The following C12orf43 variants were observed in gnomAD, a reference collection of about 807,000 sequenced individuals.
C12orf43 encodes protein CUSTOS.
C12orf43 carries 15 observed loss-of-function variants against 20.6 expected under a neutral mutation model. The observed-to-expected ratio is 0.73, with a 90% CI of 0.49 to 1.12. The LOEUF is 1.12. C12orf43 is among the 50% of genes most tolerant of loss of function. The probability of loss-of-function intolerance (pLI) is 0.00; values close to 1 mark genes in which losing one functional copy is unlikely to be tolerated. For missense variants in C12orf43, 334 were observed against 344.4 expected (o/e 0.97, Z 0.24); for synonymous variants, 144 against 130.8 (o/e 1.10, Z -0.69).
chr12:121,006,157 A>C, intron 4 of C12orf43, 164 bp downstream of exon 4: 1 of 611,140 alleles, frequency 1.6e-6, no homozygotes, highest in Non-Finnish European at 2.8e-6. Flanking sequence ...TTGAGGCTGC[A>C]TTGAGCTATA....
chr12:121,016,307 T>C (rs376912187), intron 1 of C12orf43, 23 bp downstream of exon 1: 114 of 1,612,874 alleles, frequency 7.1e-5, no homozygotes, highest in Non-Finnish European at 9.2e-5. Context: ...CCTCAGCCAG[T>C]CTCCCCAAAC....
Position 121,011,150 on chromosome 12 carries a change from T to C in C12orf43, c.146-4A>G. 1 of 1,613,472 alleles carries C rather than the reference T, an allele frequency of 6.2e-7. No homozygotes were observed. The highest frequency in any genetic ancestry group is 8.5e-7 in the Non-Finnish European group (1 of 1,179,692). ...GACAACTGGCTATTTGCAGCACCTG[T>C]GGAAAAATGAAAATTAGGGCATTTA... On this transcript the variant is annotated splice_region_variant and splice_polypyrimidine_tract_variant and intron_variant, in intron 1 of 5. Transcript: ENST00000288757.
Position 121,008,381 on chromosome 12 carries a change from C to T in C12orf43, c.288-1987G>A, listed in dbSNP as rs557291456. Among the ~76,000 whole-genome samples the T allele has an allele frequency of 1.7e-4, 26 of 152,252 alleles. No individual in the cohort carries two copies. The South Asian group carries it at 3.9e-3, about 23-fold the overall frequency. On this transcript the variant is annotated intron_variant, in intron 3 of 5. Coordinates refer to ENST00000288757, the MANE Select transcript of C12orf43 (RefSeq NM_022895.3). Reference sequence around the variant, plus strand: ...AACTCCTGTCCTCAAATGATCCACCCGCTTCAGCCTCCCAAAGTGCTGGGA... The same window carrying T: ...AACTCCTGTCCTCAAATGATCCACCTGCTTCAGCCTCCCAAAGTGCTGGGA...
At position 121,001,153 on chromosome 12, in the gene C12orf43, G is replaced by T. The variant is rs1877449055; in HGVS notation, c.*3000C>A. ...TGCCATCCAACCACAGCGTCATCGAGACCTTCATCTCCACCCAGATGGCCT... is the reference window on the plus strand; with the variant it reads ...TGCCATCCAACCACAGCGTCATCGATACCTTCATCTCCACCCAGATGGCCT... On this transcript the variant is annotated 3_prime_UTR_variant, in exon 6 of 6. Transcript: ENST00000288757. 1 of 1,614,096 alleles carries T rather than the reference G, an allele frequency of 6.2e-7. No individual in the cohort carries two copies. Among genetic ancestry groups the T allele is most frequent in the East Asian group, 2.2e-5 (1 of 44,882 alleles).
At position 121,004,617 on chromosome 12, in the gene C12orf43, G is replaced by T; in HGVS notation, c.453-128C>A. The T allele has an allele frequency of 9.8e-7, 1 of 1,024,688 alleles. No homozygotes were observed. Among genetic ancestry groups the T allele is most frequent in the Non-Finnish European group, 1.4e-6 (1 of 710,564 alleles). The allele number at this position is 1,024,688 out of a possible 1,614,324, so 63.5% of individuals were successfully genotyped here. A position where few individuals can be genotyped will look rare whatever the true frequency, so the allele number is the denominator to read the frequency against. On this transcript the variant is annotated intron_variant, in intron 5 of 5. Transcript: ENST00000288757. This position sits in a 1 kb window ranked among gnomAD's most constrained non-coding sequence, Gnocchi z 5.6. ...CAGAGAGAGGCAGGTAGTGAGTTCA[G>T]GCTTGGGAGTGAGGCCAACCTGGCT... is the stretch of plus-strand genomic sequence containing the variant.
At chr12:121,009,845 C>T (rs1485381493) in intron 3 of C12orf43, among the ~76,000 whole-genome samples, 1 of 152,244 alleles carries the variant, frequency 6.6e-6, no homozygotes, top group Admixed American at 6.5e-5. Flanking sequence ...ACTGGGTTAT[C>T]AACCTGTGCT....
At position 121,002,421 on chromosome 12, in the gene C12orf43, G is replaced by A. The variant is rs1877562295; in HGVS notation, c.*1732C>T. On this transcript the variant is annotated 3_prime_UTR_variant, in exon 6 of 6. Transcript: ENST00000288757. ...CCTGGGATTCAGGAAAAGGCCTGGG[G>A]TGACCCGGCACCCCCTGCAGCTTGT... 1 of 531,640 alleles carries A rather than the reference G, an allele frequency of 1.9e-6. No homozygotes were observed. Among genetic ancestry groups the A allele is most frequent in the South Asian group, 1.5e-5 (1 of 65,098 alleles). 32.9% of individuals were successfully genotyped at this position (531,640 alleles called of 1,614,324 possible).
At position 121,004,991 on chromosome 12, in the gene C12orf43, G is replaced by A. The variant is rs765743100; in HGVS notation, c.452+12C>T. ...AAAAGGAGGGGACGTGAGGAGAGGT[G>A]TGAGTTCTCACCTGGAGCTGGAGGG... On this transcript the variant is annotated intron_variant, in intron 5 of 5. Transcript: ENST00000288757. The surrounding 1 kb of genome is among the most constrained non-coding windows in gnomAD (Gnocchi z 5.6). The A allele has an allele frequency of 1.7e-5, 26 of 1,525,528 alleles. No homozygotes were observed. In the Admixed American group the frequency reaches 5.5e-4, roughly 32 times the overall value. The allele number at this position is 1,525,528 out of a possible 1,614,324, so 94.5% of individuals were successfully genotyped here.
intron 1 of C12orf43, 124 bp downstream of exon 1, chr12:121,016,206 T>C: frequency 7.0e-7 from 1 of 1,432,246 alleles, no homozygotes; most frequent in Non-Finnish European, 9.7e-7. Context: ...CTACACCCAG[T>C]CCCTGGAGGT....
Position 121,004,027 on chromosome 12 carries a change from A to C in C12orf43, c.*126T>G. ...TCATCACCATCAGGGTCTCATGGGCAGTCTGGGTTTGCCAGCCCAGTCCTT... is the reference window on the plus strand; with the variant it reads ...TCATCACCATCAGGGTCTCATGGGCCGTCTGGGTTTGCCAGCCCAGTCCTT... On this transcript the variant is annotated 3_prime_UTR_variant, in exon 6 of 6. Transcript: ENST00000288757. The surrounding 1 kb of genome is among the most constrained non-coding windows in gnomAD (Gnocchi z 5.6). 9.4e-7 allele frequency: 1 copy of C among 1,064,038 alleles called. No individual in the cohort carries two copies. Among genetic ancestry groups the C allele is most frequent in the South Asian group, 1.3e-5 (1 of 77,344 alleles). The allele number at this position is 1,064,038 out of a possible 1,614,324, so 65.9% of individuals were successfully genotyped here.
rs1377839120 is a variant in C12orf43, at chr12:121,005,226, A to G, written c.362-133T>C. On this transcript the variant is annotated intron_variant, in intron 4 of 5. Transcript: ENST00000288757. This position sits in a 1 kb window ranked among gnomAD's most constrained non-coding sequence, Gnocchi z 5.6. ...CGAAAGAAAGAAAAGATAAAGAGAAACAAAAAAAAAATTTTAAGAAGACAC... is the reference window on the plus strand; with the variant it reads ...CGAAAGAAAGAAAAGATAAAGAGAAGCAAAAAAAAAATTTTAAGAAGACAC... 1.4e-5 allele frequency: 7 copies of G among 487,886 alleles called. No individual in the cohort carries two copies. The South Asian group carries it at 6.8e-4, about 48-fold the overall frequency. 30.2% of individuals were successfully genotyped at this position (487,886 alleles called of 1,614,324 possible). A position where few individuals can be genotyped will look rare whatever the true frequency, so the allele number is the denominator to read the frequency against.
In C12orf43 at chr12:121,013,291, A is replaced by G. The variant is rs187415694; in HGVS notation, c.146-2145T>C. On this transcript the variant is annotated intron_variant, in intron 1 of 5. Transcript: ENST00000288757. ...AGAGCATCTCTTCCATCATGACTAC[A>G]GTGTGATGAAGGTGAGGTACCGTCA... Among the ~76,000 whole-genome samples, 10 of 152,296 alleles carry G rather than the reference A, an allele frequency of 6.6e-5. No homozygotes were observed. The East Asian group carries it at 1.9e-3, about 29-fold the overall frequency.
In C12orf43 at chr12:121,011,173, T is replaced by C. The variant is rs1878430389; in HGVS notation, c.146-27A>G. ...TGTGGAAAAATGAAAATTAGGGCAT[T>C]TATAGAGGAAACAATGACAGCAACA... On this transcript the variant is annotated intron_variant, in intron 1 of 5. Coordinates refer to ENST00000288757, the MANE Select transcript of C12orf43 (RefSeq NM_022895.3). 1.3e-5 allele frequency: 21 copies of C among 1,609,214 alleles called. No homozygotes were observed. The East Asian group carries it at 4.7e-4, about 36-fold the overall frequency.
rs745674674 is a variant in C12orf43, at chr12:121,001,024, G to T, written c.*3129C>A. ...GGGACAGGCAGGTGGGGTGGGTGTGGGTGCCTGGTGGGTGGCTAGCAGCCT... is the reference window on the plus strand; with the variant it reads ...GGGACAGGCAGGTGGGGTGGGTGTGTGTGCCTGGTGGGTGGCTAGCAGCCT... On this transcript the variant is annotated 3_prime_UTR_variant, in exon 6 of 6. Transcript: ENST00000288757. 3 of 1,610,504 alleles carry T rather than the reference G, an allele frequency of 1.9e-6. No homozygotes were observed. Among genetic ancestry groups the T allele is most frequent in the East Asian group, 2.2e-5 (1 of 44,866 alleles).
In C12orf43 at chr12:121,006,435, G is replaced by A. The variant is rs1465137304; in HGVS notation, c.288-41C>T. 3 of 1,591,976 alleles carry A rather than the reference G, an allele frequency of 1.9e-6. No homozygotes were observed. The African/African-American group carries it at 4.0e-5, about 21-fold the overall frequency. ...ACGGTTGATTTAAGATGAGATTTTTGGATAACGACAAAAACAAAATTCTTT... is the reference window on the plus strand; with the variant it reads ...ACGGTTGATTTAAGATGAGATTTTTAGATAACGACAAAAACAAAATTCTTT... On this transcript the variant is annotated intron_variant, in intron 3 of 5. Coordinates refer to ENST00000288757, the MANE Select transcript of C12orf43 (RefSeq NM_022895.3).
chr12:121,011,207 G>A (rs1284750643), intron 1 of C12orf43, 61 bp from the exon 2 acceptor site: 14 of 1,439,586 alleles, frequency 9.7e-6, no homozygotes, highest in Admixed American at 3.4e-5. Context: ...CAACAAATGC[G>A]TGCCAGGCAC....
Position 121,002,348 on chromosome 12 carries a change from T to TGGG in C12orf43, c.*1804_*1805insCCC. 1 of 481,848 alleles carries TGGG rather than the reference T, an allele frequency of 2.1e-6. No homozygotes were observed. Among genetic ancestry groups the TGGG allele is most frequent in the Non-Finnish European group, 4.0e-6 (1 of 251,662 alleles). The allele number at this position is 481,848 out of a possible 1,614,324, so 29.8% of individuals were successfully genotyped here. A position where few individuals can be genotyped will look rare whatever the true frequency, so the allele number is the denominator to read the frequency against. On this transcript the variant is annotated 3_prime_UTR_variant, in exon 6 of 6. Transcript: ENST00000288757. Reference sequence around the variant, plus strand: ...AACCCAGGACAAGCATGGTCCCACATCCCTGGGCCTGCTGCTGAGAACCTG... The same window carrying TGGG: ...AACCCAGGACAAGCATGGTCCCACATGGGCCCTGGGCCTGCTGCTGAGAACCTG...
intron 3 of C12orf43, 29 bp from the exon 4 acceptor site, chr12:121,006,423 G>A (rs1037496364): frequency 4.4e-6 from 7 of 1,607,706 alleles, no homozygotes; most frequent in Non-Finnish European, 2.6e-6. Context: ...GTTGATTTAA[G>A]ATGAGATTTT....
intron 1 of C12orf43, chr12:121,012,628 G>A (rs559595349): frequency 3.0e-5 from 17 of 567,786 alleles, no homozygotes; most frequent in Middle Eastern, 3.9e-4. Flanking sequence ...TGAGGCAGGC[G>A]GATCACGAGG....
Sources: allele counts gnomAD v4.1 joint callset (sites outside exome capture counted in the v4.1 genomes callset), GRCh38; gene constraint gnomAD v4.1.1; non-coding constraint Gnocchi (gnomAD v3.1); transcripts MANE v1.5; gene names NCBI Gene and HGNC (gene_info 2026-07-23, HGNC 2026-07-21).